The following TENM3 variants were observed in gnomAD, a reference collection of about 807,000 sequenced individuals.
The protein encoded by TENM3 is teneurin-3.
Under a neutral mutation model 255.1 loss-of-function variants are expected in TENM3, and 63 were observed. That is an observed-to-expected ratio of 0.25 (90% confidence interval 0.20 to 0.30). TENM3 has a LOEUF of 0.30. TENM3 is among the 10% of genes least tolerant of loss of function. TENM3 has a pLI of 1.00. For missense variants in TENM3, 2,929 were observed against 3,461.1 expected, an observed-to-expected ratio of 0.85 and a Z score of 3.86; for synonymous variants, 1,306 against 1,322.3, an observed-to-expected ratio of 0.99 and a Z score of 0.27.
At chr4:181,562,658 G>A in the TENM3 span, among the ~76,000 whole-genome samples, 1 of 151,492 alleles carries the variant, frequency 6.6e-6, no homozygotes, top group Non-Finnish European at 1.5e-5. Context: ...GGAGAACAGA[G>A]AACAAATAGA....
the TENM3 span, among the ~76,000 whole-genome samples, chr4:181,920,534 C>T: frequency 2.6e-5 from 4 of 152,224 alleles, no homozygotes; most frequent in Admixed American, 6.5e-5. Context: ...AATGTCTTCT[C>T]TTGAGAAGTG....
rs200972680 is a variant in TENM3, at chr4:182,775,092, A to G, written c.5243A>G (p.Glu1748Gly). ...GGCGAGAACGGTCAAAACTTGGTGG[A>G]ATGGAGATTCCGAAAAGAGCAAGCC... ...LPGENGQNLV[E>G]WRFRKEQAQG... The change falls in exon 24 of 28, where the codon GAA becomes GGA. Residue 1748 changes from glutamate (E) to glycine (G), a missense_variant. Coordinates refer to ENST00000511685, the MANE Select transcript of TENM3 (RefSeq NM_001080477.4). 2.0e-4 allele frequency: 317 copies of G among 1,613,882 alleles called. 1 individual carries two copies. Among genetic ancestry groups the G allele is most frequent in the Non-Finnish European group, 3.5e-5 (41 of 1,179,896 alleles).
chr4:182,781,552 A>G (rs1765169520), intron 24 of TENM3, among the ~76,000 whole-genome samples: 2 of 152,222 alleles, frequency 1.3e-5, no homozygotes, highest in South Asian at 4.2e-4. Context: ...TTGGTATCAG[A>G]ATGATGCTGG....
chr4:182,084,632 T>C, the TENM3 span, among the ~76,000 whole-genome samples: 2 of 152,182 alleles, frequency 1.3e-5, no homozygotes, highest in African/African-American at 2.4e-5. Flanking sequence ...CTATTTAAGA[T>C]GACAACACAG....
chr4:182,328,119 AG>A (rs1763526863), intron 2 of TENM3, among the ~76,000 whole-genome samples: 1 of 152,188 alleles, frequency 6.6e-6, no homozygotes, highest in Non-Finnish European at 1.5e-5. Context: ...GTCAATAATC[AG>A]TGTTGGGGTT....
At chr4:181,701,876 T>C in the TENM3 span, among the ~76,000 whole-genome samples, 1 of 152,212 alleles carries the variant, frequency 6.6e-6, no homozygotes, top group Non-Finnish European at 1.5e-5. Context: ...AAGCAAGTAA[T>C]GCTACTTTAA....
At chr4:182,161,770 TATATATATATACACAA>T (rs1223705538) in intron 1 of TENM3, among the ~76,000 whole-genome samples, 5 of 3,904 alleles carry the variant, frequency 1.3e-3, no homozygotes, top group African/African-American at 4.8e-3. Context: ...TATATATGTG[TATATATATATACACAA>T]ATATATGTAT....
intron 1 of TENM3, among the ~76,000 whole-genome samples, chr4:182,278,302 G>T (rs1760140862): frequency 2.0e-5 from 3 of 152,148 alleles, no homozygotes; most frequent in African/African-American, 7.2e-5. Context: ...GGGAGGTGGA[G>T]GTTGCGGTGA....
intron 13 of TENM3, among the ~76,000 whole-genome samples, chr4:182,716,629 A>G (rs767597664): frequency 3.3e-5 from 5 of 152,262 alleles, no homozygotes; most frequent in East Asian, 1.9e-4. Flanking sequence ...GAACTTAAGC[A>G]TAAGCTACAT....
At chr4:182,538,961 G>A (rs1356505016) in intron 3 of TENM3, among the ~76,000 whole-genome samples, 4 of 151,932 alleles carry the variant, frequency 2.6e-5, no homozygotes, top group Non-Finnish European at 5.9e-5. Flanking sequence ...GAGATGTCAA[G>A]CCACTAGATC....
At chr4:182,535,947 A>G (rs1421177679) in intron 3 of TENM3, among the ~76,000 whole-genome samples, 2 of 152,258 alleles carry the variant, frequency 1.3e-5, no homozygotes, top group Admixed American at 6.5e-5. Flanking sequence ...TGTTATTATT[A>G]CACATTTTTT....
the TENM3 span, among the ~76,000 whole-genome samples, chr4:181,611,216 G>A: frequency 4.6e-5 from 7 of 152,142 alleles, no homozygotes; most frequent in Non-Finnish European, 1.0e-4. Context: ...GGTTTTCTCC[G>A]TTATCTATGT....
intron 3 of TENM3, among the ~76,000 whole-genome samples, chr4:182,468,462 A>G (rs912108046): frequency 1.9e-4 from 29 of 152,306 alleles, no homozygotes; most frequent in African/African-American, 6.5e-4. Context: ...AAACCCTAAC[A>G]GACGCCTCAA....
intron 1 of TENM3, among the ~76,000 whole-genome samples, chr4:182,182,915 A>G (rs1203664038): frequency 6.6e-6 from 1 of 152,228 alleles, no homozygotes; most frequent in Non-Finnish European, 1.5e-5. Flanking sequence ...GTCTATTATG[A>G]TTAGCTAAGG....
intron 3 of TENM3, among the ~76,000 whole-genome samples, chr4:182,407,561 G>T (rs567088821): frequency 2.7e-4 from 41 of 152,208 alleles, no homozygotes; most frequent in African/African-American, 9.6e-4. Flanking sequence ...CTGGTGTTAG[G>T]ACCTGAGACC....
At chr4:182,261,029 G>C (rs1225064581) in intron 1 of TENM3, among the ~76,000 whole-genome samples, 1 of 151,988 alleles carries the variant, frequency 6.6e-6, no homozygotes, top group African/African-American at 2.4e-5. Flanking sequence ...GTGCGCACCA[G>C]CACGCCCAGC....
intron 3 of TENM3, among the ~76,000 whole-genome samples, chr4:182,438,337 T>G (rs746622596): frequency 6.6e-5 from 10 of 152,232 alleles, no homozygotes; most frequent in Non-Finnish European, 5.9e-5. Flanking sequence ...AGTCTAAAGC[T>G]TAAAGATATC....
At chr4:182,351,387 G>C (rs1765171879) in intron 3 of TENM3, among the ~76,000 whole-genome samples, 1 of 152,166 alleles carries the variant, frequency 6.6e-6, no homozygotes, top group South Asian at 2.1e-4. Context: ...CAGCCGGTGC[G>C]ACGTTGTCAC....
At chr4:182,653,191 A>C (rs1344981912) in intron 5 of TENM3, among the ~76,000 whole-genome samples, 5 of 152,250 alleles carry the variant, frequency 3.3e-5, no homozygotes, top group Non-Finnish European at 7.3e-5. Context: ...CATGCTTTTT[A>C]ATCTGTACCA....
Sources: allele counts gnomAD v4.1 joint callset (sites outside exome capture counted in the v4.1 genomes callset), GRCh38; gene constraint gnomAD v4.1.1; transcripts MANE v1.5; gene names NCBI Gene and HGNC (gene_info 2026-07-23, HGNC 2026-07-21).